EPHA6: variants seen among roughly 807,000 people sequenced by gnomAD.
EPHA6 encodes ephrin type-A receptor 6.
EPHA6 carries 50 observed loss-of-function variants against 112.0 expected under a neutral mutation model. That is an observed-to-expected ratio of 0.45 (90% CI 0.36 to 0.56). The LOEUF (loss-of-function observed/expected upper bound fraction) is 0.56, where lower values mean the gene tolerates loss of function less well. Ranked by LOEUF, EPHA6 falls within the 20% of genes least tolerant of loss-of-function variation. EPHA6 has a pLI of 0.00. For synonymous variants in EPHA6, 529 were observed against 490.7 expected, an observed-to-expected ratio of 1.08 and a Z score of -1.03; for missense variants, 1,280 against 1,417.4, an observed-to-expected ratio of 0.90 and a Z score of 1.56.
intron 5 of EPHA6, among the ~76,000 whole-genome samples, chr3:97,250,785 A>AT (rs1022923744): frequency 6.6e-6 from 1 of 152,200 alleles, no homozygotes; most frequent in African/African-American, 2.4e-5. Flanking sequence ...TACAAAATGA[A>AT]TGAGATGATT....
intron 5 of EPHA6, among the ~76,000 whole-genome samples, chr3:97,264,221 C>T (rs1297176801): frequency 6.6e-6 from 1 of 152,246 alleles, no homozygotes; most frequent in Non-Finnish European, 1.5e-5. Flanking sequence ...GCCTGGCTGG[C>T]TTCCCTTGGC....
intron 3 of EPHA6, among the ~76,000 whole-genome samples, chr3:97,008,830 G>A (rs957419164): frequency 3.9e-5 from 6 of 151,950 alleles, no homozygotes; most frequent in Non-Finnish European, 8.8e-5. Flanking sequence ...TGATGATGAT[G>A]CTGTTGTTGT....
intron 5 of EPHA6, among the ~76,000 whole-genome samples, chr3:97,332,454 G>T (rs1396830754): frequency 1.3e-5 from 2 of 152,088 alleles, no homozygotes; most frequent in Non-Finnish European, 2.9e-5. Context: ...ATTAGGAAAA[G>T]AGGAAGTTAA....
chr3:97,346,667 AT>A (rs59747272), intron 5 of EPHA6, among the ~76,000 whole-genome samples: 3,463 of 145,592 alleles, frequency 0.024, 132 homozygotes, highest in African/African-American at 0.077. Context: ...CAGATGTTCA[AT>A]TTTTTTTTTT....
chr3:96,946,139 T>G (rs1368819111), intron 2 of EPHA6, among the ~76,000 whole-genome samples: 1 of 152,144 alleles, frequency 6.6e-6, no homozygotes, highest in Non-Finnish European at 1.5e-5. Context: ...ATTTTAAGTT[T>G]CTTCCATGTC....
chr3:96,866,939 C>T, intron 2 of EPHA6, 50 bp downstream of exon 2: 1 of 1,093,380 alleles, frequency 9.1e-7, no homozygotes, highest in South Asian at 1.8e-5. Context: ...TTTTTAAGAT[C>T]TCCTAATAGT....
At chr3:97,329,679 G>A (rs901234815) in intron 5 of EPHA6, among the ~76,000 whole-genome samples, 7 of 152,048 alleles carry the variant, frequency 4.6e-5, no homozygotes, top group Non-Finnish European at 1.0e-4. Context: ...TTTTTTTCTT[G>A]TAAATTTGTT....
chr3:96,817,126 G>A (rs2032856999), intron 1 of EPHA6, among the ~76,000 whole-genome samples: 1 of 151,828 alleles, frequency 6.6e-6, no homozygotes, highest in Non-Finnish European at 1.5e-5. Context: ...GTACCTGAAG[G>A]TTAAATTGGA....
At chr3:97,459,824 C>T (rs2090825698) in intron 7 of EPHA6, among the ~76,000 whole-genome samples, 1 of 152,170 alleles carries the variant, frequency 6.6e-6, no homozygotes, top group Non-Finnish European at 1.5e-5. Flanking sequence ...TGGGAATCAT[C>T]AATTTAAATT....
rs571178178 is a variant in EPHA6, at chr3:97,278,957, TAATAAGCACAGTACA to T, written c.1606+34671_1606+34685del. 3.4e-3 allele frequency among the ~76,000 whole-genome samples: 510 copies of T among 152,238 alleles called. 6 individuals carry two copies. The highest frequency in any genetic ancestry group is 0.017 in the Middle Eastern group (5 of 294). On this transcript the variant is annotated intron_variant, in intron 5 of 17. Transcript: ENST00000389672. ...CAGGGCAGGATATTCCCACACAAGG[TAATAAGCACAGTACA>T]GGCTGTGTGGGCTCTTTATCTCTTG...
chr3:97,176,104 A>G (rs377596062), intron 3 of EPHA6, among the ~76,000 whole-genome samples: 1 of 151,882 alleles, frequency 6.6e-6, no homozygotes, highest in East Asian at 1.9e-4. Context: ...GAGGATTTTT[A>G]TCATGAAGTC....
intron 3 of EPHA6, among the ~76,000 whole-genome samples, chr3:97,193,690 C>G (rs1164606575): frequency 2.0e-5 from 3 of 151,876 alleles, no homozygotes; most frequent in Admixed American, 6.6e-5. Context: ...ACAATGGTGA[C>G]AGTGGGCATC....
chr3:97,499,739 TA>T (rs1336100873), intron 10 of EPHA6, among the ~76,000 whole-genome samples: 1 of 152,108 alleles, frequency 6.6e-6, no homozygotes. Flanking sequence ...AAATGTGGTA[TA>T]AAAGTGCCCT....
intron 12 of EPHA6, among the ~76,000 whole-genome samples, chr3:97,607,690 C>T (rs1414040170): frequency 2.3e-4 from 34 of 151,024 alleles, no homozygotes; most frequent in Admixed American, 2.2e-3. Flanking sequence ...CTGGTTTGTC[C>T]ACTGACTTTA....
At chr3:97,746,018 T>G (rs1576394804) in intron 16 of EPHA6, among the ~76,000 whole-genome samples, 1 of 151,890 alleles carries the variant, frequency 6.6e-6, no homozygotes. Context: ...AATTGCTAGT[T>G]AAAGCTGAAG....
chr3:96,941,603 A>G (rs968798653), intron 2 of EPHA6, among the ~76,000 whole-genome samples: 2 of 152,166 alleles, frequency 1.3e-5, no homozygotes, highest in Non-Finnish European at 2.9e-5. Context: ...CAACTCGTCA[A>G]AGTCATTCTC....
At chr3:97,406,702 A>G (rs1222153441) in intron 6 of EPHA6, among the ~76,000 whole-genome samples, 1 of 152,170 alleles carries the variant, frequency 6.6e-6, no homozygotes, top group Non-Finnish European at 1.5e-5. Context: ...TTTCAGCATT[A>G]TGTAGTCAAT....
chr3:97,243,487 A>G (rs2078905458), intron 4 of EPHA6, among the ~76,000 whole-genome samples: 1 of 151,894 alleles, frequency 6.6e-6, no homozygotes, highest in African/African-American at 2.4e-5. Flanking sequence ...GGAGGTGATG[A>G]ATGGGGATTT....
intron 14 of EPHA6, among the ~76,000 whole-genome samples, chr3:97,715,492 C>A (rs186425316): frequency 7.2e-5 from 11 of 152,218 alleles, no homozygotes; most frequent in African/African-American, 2.6e-4. Flanking sequence ...GAGAACAGAG[C>A]AAAAGTCTAC....
Sources: gnomAD v4.1 joint callset for allele counts (sites outside exome capture counted in the v4.1 genomes callset) on GRCh38, gnomAD v4.1.1 for gene constraint, MANE v1.5 for transcripts, NCBI Gene and HGNC (gene_info 2026-07-23, HGNC 2026-07-21) for gene names.